The following FGF14 variants were observed in gnomAD, a reference collection of about 807,000 sequenced individuals.
The protein encoded by FGF14 is fibroblast growth factor 14, also known as fibroblast growth factor homologous factor 4.
Under a neutral mutation model 25.5 loss-of-function variants are expected in FGF14, and 5 were observed. That is an observed-to-expected ratio of 0.20 (90% CI 0.10 to 0.41). The LOEUF (loss-of-function observed/expected upper bound fraction) is 0.41, where lower values mean the gene tolerates loss of function less well. Among genes scored for constraint, FGF14 ranks in the 10% least tolerant of loss-of-function variants. The pLI, the probability that FGF14 is intolerant of heterozygous loss-of-function variation, is 1.00. For synonymous variants in FGF14, 138 were observed against 118.3 expected (o/e 1.17, Z -1.08); for missense variants, 222 against 320.1 (o/e 0.69, Z 2.34).
At chr13:101,756,961 T>C (rs1193546486) in intron 3 of FGF14, among the ~76,000 whole-genome samples, 1 of 152,238 alleles carries the variant, frequency 6.6e-6, no homozygotes, top group Non-Finnish European at 1.5e-5. Flanking sequence ...AAATTTTGAG[T>C]TGAAATTTTA....
At chr13:101,726,965 A>G (rs1012727894) in intron 3 of FGF14, among the ~76,000 whole-genome samples, 155 bp from the exon 4 acceptor site, 8 of 152,134 alleles carry the variant, frequency 5.3e-5, no homozygotes, top group African/African-American at 1.7e-4. Context: ...TTGTCTATAC[A>G]TTTTTAAAAT....
chr13:102,107,236 C>A (rs559200119), intron 1 of FGF14, among the ~76,000 whole-genome samples: 2 of 152,286 alleles, frequency 1.3e-5, no homozygotes, highest in South Asian at 4.2e-4. Flanking sequence ...TAGTTGCTGA[C>A]CCCTTAGAAA....
At chr13:101,842,844 A>G (rs572006153) in intron 3 of FGF14, among the ~76,000 whole-genome samples, 1 of 152,142 alleles carries the variant, frequency 6.6e-6, no homozygotes, top group East Asian at 1.9e-4. Context: ...AAATATCACT[A>G]TAACTAGGGT....
intron 3 of FGF14, among the ~76,000 whole-genome samples, chr13:101,856,965 T>C (rs1417853667): frequency 1.3e-5 from 2 of 151,974 alleles, no homozygotes; most frequent in South Asian, 2.1e-4. Context: ...AGGTCCATAG[T>C]GGAAAGGCAG....
At chr13:101,944,004 AAAAAAAAAAAC>A (rs1208416579) in intron 1 of FGF14, among the ~76,000 whole-genome samples, 5 of 131,722 alleles carry the variant, frequency 3.8e-5, no homozygotes, top group South Asian at 4.2e-4. Context: ...GTCTCAAAAA[AAAAAAAAAAAC>A]AAAAAAAAAA....
chr13:101,938,903 T>C (rs1441887124), intron 1 of FGF14, among the ~76,000 whole-genome samples: 3 of 152,218 alleles, frequency 2.0e-5, no homozygotes, highest in Admixed American at 2.0e-4. Context: ...ACTGAGGGCA[T>C]TTTTGCCCTC....
intron 1 of FGF14, among the ~76,000 whole-genome samples, chr13:102,106,670 CT>C (rs1379412713): frequency 6.6e-6 from 1 of 151,870 alleles, no homozygotes; most frequent in African/African-American, 2.4e-5. Flanking sequence ...ACTGAAAAGC[CT>C]TTACCCCCAA....
chr13:102,039,688 T>C (rs1205973565), intron 1 of FGF14, among the ~76,000 whole-genome samples: 1 of 152,154 alleles, frequency 6.6e-6, no homozygotes, highest in Non-Finnish European at 1.5e-5. Context: ...TGATTACGTC[T>C]GCTAAGACCC....
At chr13:101,860,552 C>T (rs2044361617) in intron 3 of FGF14, among the ~76,000 whole-genome samples, 2 of 151,964 alleles carry the variant, frequency 1.3e-5, no homozygotes, top group South Asian at 4.2e-4. Context: ...CTAGACATGC[C>T]TGGGATATAT....
intron 1 of FGF14, among the ~76,000 whole-genome samples, chr13:102,320,209 C>T (rs1000469703): frequency 4.0e-5 from 6 of 151,310 alleles, no homozygotes; most frequent in Non-Finnish European, 8.8e-5. Context: ...AGTTCTATCA[C>T]CCAAAGTATG....
chr13:102,382,397 A>G (rs762815354), intron 1 of FGF14, among the ~76,000 whole-genome samples: 30 of 152,176 alleles, frequency 2.0e-4, no homozygotes, highest in Non-Finnish European at 3.4e-4. Flanking sequence ...ATTAGTCATT[A>G]GAGAAATGCA....
At chr13:102,122,931 G>T (rs906131589) in intron 1 of FGF14, among the ~76,000 whole-genome samples, 1 of 152,176 alleles carries the variant, frequency 6.6e-6, no homozygotes, top group African/African-American at 2.4e-5. Context: ...GCAAGTGTTT[G>T]ATCTCAAGTT....
chr13:102,203,648 G>A (rs910285573), intron 1 of FGF14, among the ~76,000 whole-genome samples: 4 of 151,944 alleles, frequency 2.6e-5, no homozygotes, highest in Admixed American at 1.3e-4. Context: ...CTTTTATTAA[G>A]GAAAAATAAA....
chr13:102,104,553 A>G (rs1416810186), intron 1 of FGF14, among the ~76,000 whole-genome samples: 1 of 152,156 alleles, frequency 6.6e-6, no homozygotes, highest in Non-Finnish European at 1.5e-5. Context: ...AGACAGGTGG[A>G]TCACTGGAGC....
At chr13:101,992,624 C>G (rs1208435791) in intron 1 of FGF14, among the ~76,000 whole-genome samples, 3 of 151,916 alleles carry the variant, frequency 2.0e-5, no homozygotes, top group Middle Eastern at 3.4e-3. Flanking sequence ...AGCAGAAGGA[C>G]AGAAATTCCA....
intron 1 of FGF14, among the ~76,000 whole-genome samples, chr13:101,935,784 C>CGTTT (rs1333597972): frequency 3.3e-5 from 5 of 152,156 alleles, no homozygotes; most frequent in Non-Finnish European, 1.5e-5. Flanking sequence ...CAAAACAAAA[C>CGTTT]ACACAGAGAT....
chr13:102,226,717 T>C lies in FGF14; in HGVS notation c.208+174754A>G, dbSNP rs145750925. Among the ~76,000 whole-genome samples, 12 of 152,284 alleles carry C rather than the reference T, an allele frequency of 7.9e-5. No individual in the cohort carries two copies. In the East Asian group the frequency reaches 2.3e-3, roughly 29 times the overall value. ...CTTTAGGGAACATCATCTACTCTCT[T>C]ACAATTACCACTTTGATTATGATGG... On this transcript the variant is annotated intron_variant, in intron 1 of 4. Coordinates refer to the FGF14 transcript ENST00000376131.
intron 1 of FGF14, among the ~76,000 whole-genome samples, chr13:102,079,614 CATGTACCATACA>C (rs1191277775): frequency 6.6e-6 from 1 of 152,048 alleles, no homozygotes; most frequent in African/African-American, 2.4e-5. Flanking sequence ...TTTTATGCGC[CATGTACCATACA>C]TGATACTGGG....
intron 1 of FGF14, among the ~76,000 whole-genome samples, chr13:102,280,242 T>C (rs1201256772): frequency 1.3e-5 from 2 of 152,202 alleles, no homozygotes; most frequent in African/African-American, 2.4e-5. Flanking sequence ...ATTTATCTTT[T>C]TAAAATTATG....
Sources: allele counts gnomAD v4.1 joint callset (sites outside exome capture counted in the v4.1 genomes callset), GRCh38; gene constraint gnomAD v4.1.1; transcripts MANE v1.5; gene names NCBI Gene and HGNC (gene_info 2026-07-23, HGNC 2026-07-21).